The following B3GALT1 variants were observed in gnomAD, a reference collection of about 807,000 sequenced individuals.
B3GALT1 encodes UDP-Gal:betaGlcNAc beta 1,3-galactosyltransferase, polypeptide 1.
A neutral mutation model predicts 23.2 loss-of-function variants in B3GALT1; 10 were observed. The observed-to-expected ratio is 0.43, with a 90% CI of 0.27 to 0.73. The LOEUF (loss-of-function observed/expected upper bound fraction) is 0.73. Ranked by LOEUF, B3GALT1 falls within the 30% of genes least tolerant of loss-of-function variation. The pLI, the probability that B3GALT1 is intolerant of heterozygous loss-of-function variation, is 0.21. For missense variants in B3GALT1, 299 were observed against 405.4 expected, an observed-to-expected ratio of 0.74 and a Z score of 2.25; for synonymous variants, 156 against 141.5, an observed-to-expected ratio of 1.10 and a Z score of -0.73.
intron 1 of B3GALT1, among the ~76,000 whole-genome samples, chr2:167,417,583 A>G (rs1698489917): frequency 6.6e-6 from 1 of 152,238 alleles, no homozygotes. Flanking sequence ...CCAAGTCAAG[A>G]TCTGTGCTTT....
intron 3 of B3GALT1, among the ~76,000 whole-genome samples, chr2:167,794,808 G>T (rs1169559484): frequency 6.6e-6 from 1 of 152,142 alleles, no homozygotes; most frequent in Non-Finnish European, 1.5e-5. Context: ...AAGTCAAAAT[G>T]ATCAAAGACA....
At chr2:167,440,315 A>G (rs1698859260) in intron 1 of B3GALT1, among the ~76,000 whole-genome samples, 1 of 148,390 alleles carries the variant, frequency 6.7e-6, no homozygotes, top group African/African-American at 2.5e-5. Context: ...TGCACACTCC[A>G]TCCTGGGTAA....
chr2:167,420,588 T>C (rs1046392513), intron 1 of B3GALT1, among the ~76,000 whole-genome samples: 1 of 152,226 alleles, frequency 6.6e-6, no homozygotes, highest in Non-Finnish European at 1.5e-5. Context: ...CCTCATGGTA[T>C]AAGGATGTCC....
At chr2:167,497,242 G>A (rs1375306851) in intron 2 of B3GALT1, among the ~76,000 whole-genome samples, 1 of 151,512 alleles carries the variant, frequency 6.6e-6, no homozygotes, top group Non-Finnish European at 1.5e-5. Flanking sequence ...AATGAGGGGG[G>A]ATGGGCAACG....
At chr2:167,532,679 T>G (rs1332215431) in intron 2 of B3GALT1, among the ~76,000 whole-genome samples, 1 of 152,054 alleles carries the variant, frequency 6.6e-6, no homozygotes, top group East Asian at 1.9e-4. Flanking sequence ...GCATGTTGAG[T>G]GCTTATTTTT....
At chr2:167,425,340 A>G (rs771112458) in intron 1 of B3GALT1, among the ~76,000 whole-genome samples, 2 of 152,202 alleles carry the variant, frequency 1.3e-5, no homozygotes, top group African/African-American at 2.4e-5. Flanking sequence ...TCATATTTGT[A>G]TTGAATAATG....
intron 2 of B3GALT1, among the ~76,000 whole-genome samples, chr2:167,641,762 G>A (rs920569219): frequency 1.2e-4 from 19 of 152,078 alleles, no homozygotes; most frequent in South Asian, 2.1e-4. Context: ...GCAAATGTTG[G>A]CGTGCTCAAG....
intron 2 of B3GALT1, among the ~76,000 whole-genome samples, chr2:167,616,873 C>G (rs1685170740): frequency 1.3e-5 from 2 of 151,934 alleles, no homozygotes; most frequent in African/African-American, 4.8e-5. Context: ...CTTGATAGTA[C>G]TTTGAATTGA....
chr2:167,603,766 T>C (rs1425744059), intron 2 of B3GALT1, among the ~76,000 whole-genome samples: 1 of 152,180 alleles, frequency 6.6e-6, no homozygotes, highest in East Asian at 1.9e-4. Context: ...ATTGTCCTCA[T>C]TGGGAGATTC....
chr2:167,405,515 G>A (rs1035938445), intron 1 of B3GALT1, among the ~76,000 whole-genome samples: 1 of 152,052 alleles, frequency 6.6e-6, no homozygotes, highest in Non-Finnish European at 1.5e-5. Context: ...CTCAGAAATT[G>A]AGGTGATATT....
At chr2:167,641,571 A>G (rs1287990463) in intron 2 of B3GALT1, among the ~76,000 whole-genome samples, 1 of 152,208 alleles carries the variant, frequency 6.6e-6, no homozygotes, top group Non-Finnish European at 1.5e-5. Flanking sequence ...GTTAGCTGCT[A>G]TTATTTTTAT....
chr2:167,550,266 C>A (rs751196543), intron 2 of B3GALT1, among the ~76,000 whole-genome samples: 10 of 152,280 alleles, frequency 6.6e-5, no homozygotes, highest in Admixed American at 5.2e-4. Flanking sequence ...CACTTATTAT[C>A]CTTTAGATGC....
chr2:167,477,268 G>C (rs1290932418), intron 1 of B3GALT1, among the ~76,000 whole-genome samples: 1 of 152,158 alleles, frequency 6.6e-6, no homozygotes, highest in Non-Finnish European at 1.5e-5. Context: ...AGTAGAGCTG[G>C]AGGTACAGGA....
chr2:167,406,001 T>C (rs1698269427), intron 1 of B3GALT1, among the ~76,000 whole-genome samples: 1 of 152,012 alleles, frequency 6.6e-6, no homozygotes, highest in African/African-American at 2.4e-5. Flanking sequence ...GCAGCTGTTG[T>C]GTAAGGATAG....
At chr2:167,643,076 T>A (rs974651050) in intron 2 of B3GALT1, among the ~76,000 whole-genome samples, 8 of 152,150 alleles carry the variant, frequency 5.3e-5, no homozygotes, top group African/African-American at 1.4e-4. Context: ...TAAAAACATA[T>A]AACAATGGAG....
In B3GALT1 at chr2:167,869,001, G is replaced by A. The variant is rs367844597; in HGVS notation, c.-39G>A. On this transcript the variant is annotated 5_prime_UTR_variant, in exon 5 of 5. Coordinates refer to ENST00000392690, the MANE Select transcript of B3GALT1 (RefSeq NM_020981.4). The surrounding 1 kb of genome is among the most constrained non-coding windows in gnomAD (Gnocchi z 6.4). ...GAAAACAAACTAGTGCCAAGGAGGC[G>A]TATTCTTCAATATTTGGAATAGACG... 2.5e-5 allele frequency: 38 copies of A among 1,539,952 alleles called. No individual in the cohort carries two copies. In the African/African-American group the frequency reaches 3.0e-4, roughly 12 times the overall value.
intron 3 of B3GALT1, among the ~76,000 whole-genome samples, chr2:167,754,073 T>G (rs939697083): frequency 6.6e-6 from 1 of 152,216 alleles, no homozygotes. Context: ...AAATATTCCC[T>G]TATTGATCTT....
In B3GALT1 at chr2:167,302,207, C is replaced by T. The variant is rs574050586; in HGVS notation, c.-511+8873C>T. 3.3e-5 allele frequency among the ~76,000 whole-genome samples: 5 copies of T among 152,094 alleles called. No individual in the cohort carries two copies. In the South Asian group the frequency reaches 1.0e-3, roughly 32 times the overall value. ...AGTATGAAGAAGGACTCTTGATTTACATTTATAAAAATGGTTAAATGAAAT... is the reference window on the plus strand; with the variant it reads ...AGTATGAAGAAGGACTCTTGATTTATATTTATAAAAATGGTTAAATGAAAT... On this transcript the variant is annotated intron_variant, in intron 1 of 4. Coordinates refer to ENST00000392690, the MANE Select transcript of B3GALT1 (RefSeq NM_020981.4).
intron 2 of B3GALT1, among the ~76,000 whole-genome samples, chr2:167,628,518 C>T (rs1043563221): frequency 6.6e-6 from 1 of 151,754 alleles, no homozygotes; most frequent in Non-Finnish European, 1.5e-5. Context: ...GGCCTCCCGG[C>T]TTCACCTTGA....
Sources: allele counts gnomAD v4.1 joint callset (sites outside exome capture counted in the v4.1 genomes callset), GRCh38; gene constraint gnomAD v4.1.1; non-coding constraint Gnocchi (gnomAD v3.1); transcripts MANE v1.5; gene names NCBI Gene and HGNC (gene_info 2026-07-23, HGNC 2026-07-21).